The following APBB2 variants were observed in gnomAD, a reference collection of about 807,000 sequenced individuals.
The protein encoded by APBB2 is amyloid beta precursor protein binding family B member 2, also known as Fe65-like 1.
A neutral mutation model predicts 82.5 loss-of-function variants in APBB2; 38 were observed. The ratio of observed to expected loss-of-function variants is 0.46; its 90% CI spans 0.36 to 0.60. APBB2 has a LOEUF of 0.60. APBB2 is among the 20% of genes least tolerant of loss of function. The pLI is 0.00. For missense variants in APBB2, 772 were observed against 972.3 expected, an observed-to-expected ratio of 0.79 and a Z score of 2.74; for synonymous variants, 341 against 368.2, an observed-to-expected ratio of 0.93 and a Z score of 0.85.
At chr4:41,085,250 CA>C (rs71198629) in intron 3 of APBB2, among the ~76,000 whole-genome samples, 183 of 66,216 alleles carry the variant, frequency 2.8e-3, no homozygotes, top group African/African-American at 6.4e-3. Flanking sequence ...GACTCTGTCT[CA>C]AAAAAAAAAA....
intron 12 of APBB2, among the ~76,000 whole-genome samples, chr4:40,859,928 T>C (rs1386002199): frequency 6.6e-6 from 1 of 152,232 alleles, no homozygotes; most frequent in African/African-American, 2.4e-5. Context: ...CCTCTCATCT[T>C]CTAGGAATCT....
Position 40,879,382 on chromosome 4 carries a change from T to C in APBB2, c.1529+10982A>G, listed in dbSNP as rs151095010. Among the ~76,000 whole-genome samples, 192 of 152,262 alleles carry C rather than the reference T, an allele frequency of 1.3e-3. 1 individual carries two copies. Among genetic ancestry groups the C allele is most frequent in the African/African-American group, 4.5e-3 (187 of 41,570 alleles). The stretch of plus-strand genomic sequence containing the variant: ...TTTCTCTGTTAAAATATAACTCCTC[T>C]GAACACAAGCCATTCCAAAGCTTGA... On this transcript the variant is annotated intron_variant, in intron 12 of 17. Coordinates refer to ENST00000508593, the MANE Select transcript of APBB2 (RefSeq NM_004307.2).
intron 4 of APBB2, among the ~76,000 whole-genome samples, chr4:41,061,754 A>T (rs1729935592): frequency 6.6e-6 from 1 of 152,246 alleles, no homozygotes; most frequent in Non-Finnish European, 1.5e-5. Context: ...GCCATTCTGC[A>T]TTCCATCCAA....
intron 6 of APBB2, among the ~76,000 whole-genome samples, chr4:41,006,833 T>C (rs904754789): frequency 2.0e-5 from 3 of 152,254 alleles, no homozygotes; most frequent in Admixed American, 2.0e-4. Flanking sequence ...AAAAGCCATC[T>C]GAGCTAAAAT....
chr4:41,116,014 C>T (rs752802147), intron 2 of APBB2, among the ~76,000 whole-genome samples: 8 of 152,154 alleles, frequency 5.3e-5, no homozygotes, highest in Non-Finnish European at 8.8e-5. Flanking sequence ...CACATACACA[C>T]GTATGTTTAT....
At chr4:41,017,320 A>G (rs556868600) in intron 5 of APBB2, among the ~76,000 whole-genome samples, 1 of 152,348 alleles carries the variant, frequency 6.6e-6, no homozygotes, top group Admixed American at 6.5e-5. Context: ...CAGCCAAGCT[A>G]ATCCCATGAA....
At chr4:40,881,736 G>T (rs1768670754) in intron 12 of APBB2, among the ~76,000 whole-genome samples, 2 of 151,598 alleles carry the variant, frequency 1.3e-5, no homozygotes, top group South Asian at 4.2e-4. Flanking sequence ...GTTTCACCAT[G>T]TTGGCCAGTC....
At chr4:40,971,915 G>C (rs1430265746) in intron 6 of APBB2, among the ~76,000 whole-genome samples, 4 of 152,072 alleles carry the variant, frequency 2.6e-5, no homozygotes, top group African/African-American at 7.2e-5. Flanking sequence ...GTTCAGATTT[G>C]AGCTTCAACT....
chr4:40,921,708 T>C (rs1222435134), intron 10 of APBB2, among the ~76,000 whole-genome samples: 2 of 152,222 alleles, frequency 1.3e-5, no homozygotes, highest in Admixed American at 1.3e-4. Context: ...ACGCTCTAGG[T>C]TGCAATCTCA....
intron 10 of APBB2, among the ~76,000 whole-genome samples, chr4:40,908,639 A>G (rs1400971589): frequency 1.3e-5 from 2 of 152,110 alleles, no homozygotes; most frequent in Non-Finnish European, 1.5e-5. Flanking sequence ...CACTCTAAAG[A>G]GGCCCCGAAG....
chr4:40,894,289 C>CA lies in APBB2; in HGVS notation c.1255-879dup, dbSNP rs955572957. Among the ~76,000 whole-genome samples, 574 of 122,084 alleles carry CA rather than the reference C, an allele frequency of 4.7e-3. 6 individuals are homozygous for CA. The highest frequency in any genetic ancestry group is 0.015 in the African/African-American group (466 of 32,072). 80.1% of individuals were successfully genotyped at this position (122,084 alleles called of 152,430 possible). ...GGTGACACAGAACGAGACTCCGTCT[C>CA]AAAAAAAAAAAAAGAATAGATTACC... On this transcript the variant is annotated intron_variant, in intron 10 of 17. Transcript: ENST00000508593.
chr4:40,854,436 A>AGGG (rs1200212765), intron 12 of APBB2, among the ~76,000 whole-genome samples: 29 of 152,238 alleles, frequency 1.9e-4, no homozygotes, highest in Non-Finnish European at 4.4e-5. Context: ...GTCATCTCTT[A>AGGG]ACACTCGGGA....
At position 40,832,051 on chromosome 4, in the gene APBB2, C is replaced by CACACACACACAT. The variant is rs1315070299; in HGVS notation, c.1530-1475_1530-1474insATGTGTGTGTGT. ...ACACACACACACACACACACACACA[C>CACACACACACAT]ATATACACCAAGCTTTACCCATCTA... is the stretch of plus-strand genomic sequence containing the variant. On this transcript the variant is annotated intron_variant, in intron 12 of 17. Coordinates refer to ENST00000508593, the MANE Select transcript of APBB2 (RefSeq NM_004307.2). The surrounding 1 kb of genome is among the most constrained non-coding windows in gnomAD (Gnocchi z 4.8). 6.7e-6 allele frequency among the ~76,000 whole-genome samples: 1 copy of CACACACACACAT among 149,210 alleles called. No homozygotes were observed. Among genetic ancestry groups the CACACACACACAT allele is most frequent in the Non-Finnish European group, 1.5e-5 (1 of 66,566 alleles).
At chr4:40,947,556 T>C (rs1788790992) in intron 6 of APBB2, among the ~76,000 whole-genome samples, 1 of 152,254 alleles carries the variant, frequency 6.6e-6, no homozygotes, top group South Asian at 2.1e-4. Flanking sequence ...AGACTGTTTA[T>C]CTTCAATTAA....
At chr4:41,162,774 G>C (rs1765506151) in intron 1 of APBB2, among the ~76,000 whole-genome samples, 1 of 152,186 alleles carries the variant, frequency 6.6e-6, no homozygotes, top group South Asian at 2.1e-4. Flanking sequence ...AGGACGGCTT[G>C]CTGGATCCCA....
intron 3 of APBB2, among the ~76,000 whole-genome samples, chr4:41,093,658 AC>A (rs1006336532): frequency 2.0e-5 from 3 of 152,068 alleles, no homozygotes; most frequent in African/African-American, 7.2e-5. Context: ...GTTCAAGACT[AC>A]CCTGACCAAC....
intron 5 of APBB2, among the ~76,000 whole-genome samples, chr4:41,023,278 T>C (rs925540797): frequency 3.3e-5 from 5 of 152,224 alleles, no homozygotes; most frequent in African/African-American, 9.6e-5. Flanking sequence ...GCATACTTCC[T>C]CAGTAGATAA....
At chr4:41,036,196 G>T (rs116735130) in intron 4 of APBB2, among the ~76,000 whole-genome samples, 2,793 of 152,202 alleles carry the variant, frequency 0.018, 88 homozygotes, top group African/African-American at 0.064. Flanking sequence ...ACAGGAGGAT[G>T]TTGCATAGAT....
In APBB2 at chr4:41,039,703, T is replaced by A. The variant is rs1461191705; in HGVS notation, c.-50-6399A>T. Among the ~76,000 whole-genome samples the A allele has an allele frequency of 2.0e-5, 3 of 152,046 alleles. No individual in the cohort carries two copies. The East Asian group carries it at 5.8e-4, about 29-fold the overall frequency. ...GTGAGACCCTCATCTCCACAAAAAA[T>A]TTAAAAATTAACTGGGCATGGTGGC... On this transcript the variant is annotated intron_variant, in intron 4 of 17. Transcript: ENST00000508593.
Sources: gnomAD v4.1 joint callset for allele counts (sites outside exome capture counted in the v4.1 genomes callset) on GRCh38, gnomAD v4.1.1 for gene constraint, Gnocchi (gnomAD v3.1) non-coding constraint, MANE v1.5 for transcripts, NCBI Gene and HGNC (gene_info 2026-07-23, HGNC 2026-07-21) for gene names.